Variants in CAMK1 observed in about 807,000 individuals in gnomAD.
CAMK1 encodes the protein calcium/calmodulin-dependent protein kinase type 1.
In CAMK1, 39 loss-of-function variants were observed where a neutral mutation model predicts 49.1. That is an observed-to-expected ratio of 0.79 (90% CI 0.62 to 1.04). The LOEUF is 1.04. Ranked by LOEUF, CAMK1 falls within the 50% of genes least tolerant of loss-of-function variation. The probability of loss-of-function intolerance (pLI) is 0.00; values close to 1 mark genes in which losing one functional copy is unlikely to be tolerated. For missense variants in CAMK1, 457 were observed against 472.2 expected (o/e 0.97, Z 0.30); for synonymous variants, 192 against 185.2 (o/e 1.04, Z -0.30).
At position 9,765,753 on chromosome 3, in the gene CAMK1, A is replaced by G. The variant is rs914050672; in HGVS notation, c.215+6T>C. On this transcript the variant is annotated splice_donor_region_variant and intron_variant, in intron 3 of 11. Coordinates refer to ENST00000256460, the MANE Select transcript of CAMK1 (RefSeq NM_003656.5). Reference sequence around the variant, plus strand: ...TTGGGGCAGGGAAAGGCTGTGGCCCACGCACTTGTGCAGGACAGCAATCTC... The same window carrying G: ...TTGGGGCAGGGAAAGGCTGTGGCCCGCGCACTTGTGCAGGACAGCAATCTC... The G allele has an allele frequency of 3.1e-6, 5 of 1,613,732 alleles. No individual in the cohort carries two copies. The highest frequency in any genetic ancestry group is 3.4e-6 in the Non-Finnish European group (4 of 1,179,938).
chr3:9,761,565 C>A, intron 6 of CAMK1, 29 bp from the exon 7 acceptor site: 4 of 1,613,146 alleles, frequency 2.5e-6, no homozygotes, highest in Non-Finnish European at 3.4e-6. Context: ...GTGGTGGTGA[C>A]AAATCTCTGC....
At chr3:9,765,678 T>C (rs1330110561) in intron 3 of CAMK1, 81 bp downstream of exon 3, 24 of 1,494,972 alleles carry the variant, frequency 1.6e-5, no homozygotes, top group African/African-American at 2.8e-5. Flanking sequence ...TTTAAATGAT[T>C]TGTCCAAAGC....
chr3:9,758,956 A>G (rs1223332715), intron 10 of CAMK1: 2 of 511,624 alleles, frequency 3.9e-6, no homozygotes, highest in African/African-American at 1.9e-5. Flanking sequence ...TGCAGCAAAT[A>G]CTTGCCTAAG....
rs527823079 is a variant in CAMK1, at chr3:9,767,817, C to T, written c.-32-36G>A. 6.8e-5 allele frequency: 108 copies of T among 1,592,286 alleles called. No individual in the cohort carries two copies. The South Asian group carries it at 1.1e-3, about 16-fold the overall frequency. On this transcript the variant is annotated intron_variant, in intron 1 of 11. Transcript: ENST00000256460. ...AATGGAAGGAGGAGACTCAGCAGAG[C>T]CCAGCCCTCTGTCTGGGAATTTACT...
Position 9,763,168 on chromosome 3 carries a change from ACT to A in CAMK1, c.259_260del (p.Ser87TrpfsTer18), listed in dbSNP as rs1446869253. ...GCATGATGAGGTAGAGGTGGCCCCCACTCTCATAGATGTCATCCAGGGCTACA... is the reference window on the plus strand; with the variant it reads ...GCATGATGAGGTAGAGGTGGCCCCCACTCATAGATGTCATCCAGGGCTACA... ...NIVALDDIYE[S>X]GGHLYLIMQL... On this transcript the variant is annotated frameshift_variant, in exon 4 of 12. Coordinates refer to ENST00000256460, the MANE Select transcript of CAMK1 (RefSeq NM_003656.5). LOFTEE classifies it high-confidence loss of function. 1 of 1,613,924 alleles carries A rather than the reference ACT, an allele frequency of 6.2e-7. No homozygotes were observed.
intron 3 of CAMK1, 100 bp downstream of exon 3, chr3:9,765,659 C>A: frequency 7.2e-7 from 1 of 1,385,920 alleles, no homozygotes; most frequent in African/African-American, 1.4e-5. Context: ...CAATTTAAGG[C>A]TTAGAGAGTT....
intron 8 of CAMK1, chr3:9,760,028 G>C: frequency 2.9e-6 from 1 of 350,124 alleles, no homozygotes; most frequent in Non-Finnish European, 5.4e-6. Flanking sequence ...GGATCACGAG[G>C]TCAGGAGTTC....
At position 9,762,979 on chromosome 3, in the gene CAMK1, T is replaced by C; in HGVS notation, c.364A>G (p.Ile122Val). ...FYTERDASRL[I>V]FQVLDAVKYL... is the part of the protein sequence containing the mutation. ...TTCACAGCATCCAGCACCTGGAAGA[T>C]GAGGCGGCTGGCGTCCCGCTCCGTG... The change falls in exon 5 of 12, where the codon ATC becomes GTC. Residue 122 changes from isoleucine (I) to valine (V), a missense_variant. By Grantham distance (29) the Ile-to-Val change is conservative. Coordinates refer to ENST00000256460, the MANE Select transcript of CAMK1 (RefSeq NM_003656.5). 6.2e-7 allele frequency: 1 copy of C among 1,614,150 alleles called. No individual in the cohort carries two copies. Among genetic ancestry groups the C allele is most frequent in the Non-Finnish European group, 8.5e-7 (1 of 1,180,044 alleles).
intron 2 of CAMK1, among the ~76,000 whole-genome samples, chr3:9,766,908 A>G (rs1180846665): frequency 6.6e-6 from 1 of 152,070 alleles, no homozygotes; most frequent in Non-Finnish European, 1.5e-5. Flanking sequence ...CCGGTGGCCT[A>G]TGGGACAATA....
chr3:9,765,883 AG>A lies in CAMK1; in HGVS notation c.90del (p.Phe31SerfsTer4). The A allele has an allele frequency of 6.2e-7, 1 of 1,613,918 alleles. No homozygotes were observed. Among genetic ancestry groups the A allele is most frequent in the South Asian group, 1.1e-5 (1 of 91,056 alleles). ...TCTTCTGCCAGGATCACCTCCGAGA[AG>A]GCCCCCCTATCGGGAGAGGGGATTC... ...YDFRDVLGTG[A>X]FSEVILAEDK... On this transcript the variant is annotated frameshift_variant, in exon 3 of 12. Transcript: ENST00000256460. LOFTEE classifies it high-confidence loss of function.
intron 1 of CAMK1, among the ~76,000 whole-genome samples, chr3:9,768,650 T>C (rs1446236683): frequency 6.6e-6 from 1 of 152,128 alleles, no homozygotes; most frequent in Non-Finnish European, 1.5e-5. Flanking sequence ...ACTTCCAATA[T>C]GAAGCCAGAA....
chr3:9,766,067 G>A, intron 2 of CAMK1, 177 bp from the exon 3 acceptor site: 1 of 1,570,444 alleles, frequency 6.4e-7, no homozygotes, highest in East Asian at 2.3e-5. Flanking sequence ...GGCCTGGCCA[G>A]TCAAAGTAGT....
chr3:9,759,584 G>A lies in CAMK1; in HGVS notation c.825-9C>T, dbSNP rs547741149. ...CTGTATCTCCTGCAATCCTAGGATG[G>A]GGTTATGTGGTGGGTTGCCTATGAG... On this transcript the variant is annotated splice_polypyrimidine_tract_variant and intron_variant, in intron 9 of 11. Coordinates refer to ENST00000256460, the MANE Select transcript of CAMK1 (RefSeq NM_003656.5). The A allele has an allele frequency of 1.2e-6, 2 of 1,614,062 alleles. No individual in the cohort carries two copies. Among genetic ancestry groups the A allele is most frequent in the Non-Finnish European group, 1.7e-6 (2 of 1,180,032 alleles).
At chr3:9,765,579 A>T (rs960519742) in intron 3 of CAMK1, among the ~76,000 whole-genome samples, 180 bp downstream of exon 3, 6 of 152,164 alleles carry the variant, frequency 3.9e-5, no homozygotes, top group African/African-American at 1.4e-4. Flanking sequence ...CAGGCACTTG[A>T]AATAAAGGAC....
In CAMK1 at chr3:9,768,530, CTG is replaced by C. The variant is rs531225919; in HGVS notation, c.-32-751_-32-750del. On this transcript the variant is annotated intron_variant, in intron 1 of 11. Coordinates refer to ENST00000256460, the MANE Select transcript of CAMK1 (RefSeq NM_003656.5). ...ATTTATCAGATGAAGAATGGGGAGA[CTG>C]AGGTTGGAGTTAGGTAGAGGCTGGC... is the stretch of plus-strand genomic sequence containing the variant. Among the ~76,000 whole-genome samples the C allele has an allele frequency of 5.0e-3, 762 of 152,292 alleles. 6 individuals are homozygous for C. The highest frequency in any genetic ancestry group is 7.1e-3 in the Non-Finnish European group (486 of 68,010).
chr3:9,767,803 G>A, intron 1 of CAMK1, 22 bp from the exon 2 acceptor site: 1 of 1,608,506 alleles, frequency 6.2e-7, no homozygotes, highest in South Asian at 1.1e-5. Context: ...ATGGAAGGAG[G>A]AGACTCAGCA....
At chr3:9,767,990 CTTTA>C (rs775753519) in intron 1 of CAMK1, among the ~76,000 whole-genome samples, 13 of 152,226 alleles carry the variant, frequency 8.5e-5, no homozygotes, top group Non-Finnish European at 1.3e-4. Flanking sequence ...CAGCAAAATT[CTTTA>C]TTTAACAAAG....
chr3:9,767,570 G>T, intron 2 of CAMK1, 97 bp downstream of exon 2: 1 of 1,499,534 alleles, frequency 6.7e-7, no homozygotes, highest in Non-Finnish European at 9.2e-7. Flanking sequence ...CAGGGCCTGG[G>T]CTGTGGGAAA....
intron 3 of CAMK1, 47 bp from the exon 4 acceptor site, chr3:9,763,260 CTG>C: frequency 6.2e-7 from 1 of 1,612,000 alleles, no homozygotes; most frequent in Non-Finnish European, 8.5e-7. Context: ...CGGTGTGCAC[CTG>C]TAGTCCAAGC....
Sources: gnomAD v4.1 joint callset for allele counts (sites outside exome capture counted in the v4.1 genomes callset) on GRCh38, gnomAD v4.1.1 for gene constraint, MANE v1.5 for transcripts, NCBI Gene and HGNC (gene_info 2026-07-23, HGNC 2026-07-21) for gene names.